The following KATNAL2 variants were observed in gnomAD, a reference collection of about 807,000 sequenced individuals.
The protein encoded by KATNAL2 is katanin catalytic subunit A1 like 2.
In KATNAL2, 52 loss-of-function variants were observed where a neutral mutation model predicts 76.3. The ratio of observed to expected loss-of-function variants is 0.68; its 90% CI spans 0.55 to 0.86. The LOEUF (loss-of-function observed/expected upper bound fraction) is 0.86. KATNAL2 is among the 40% of genes least tolerant of loss of function. KATNAL2 has a pLI of 0.00. For missense variants in KATNAL2, 660 were observed against 668.9 expected, an observed-to-expected ratio of 0.99 and a Z score of 0.15; for synonymous variants, 243 against 244.2, an observed-to-expected ratio of 1.00 and a Z score of 0.05.
chr18:47,038,920 G>T (rs958930011), intron 3 of KATNAL2, among the ~76,000 whole-genome samples: 1 of 152,156 alleles, frequency 6.6e-6, no homozygotes, highest in Admixed American at 6.5e-5. Context: ...CTTCTGTTCA[G>T]TAAGTCTACT....
chr18:47,031,864 C>T (rs2060475315), intron 3 of KATNAL2, among the ~76,000 whole-genome samples: 1 of 152,134 alleles, frequency 6.6e-6, no homozygotes, highest in Admixed American at 6.5e-5. Context: ...TGCAGTATCC[C>T]TTTGTCTCCA....
chr18:46,955,449 C>T (rs1035554721), intron 3 of KATNAL2, among the ~76,000 whole-genome samples: 1 of 151,658 alleles, frequency 6.6e-6, no homozygotes, highest in African/African-American at 2.4e-5. Context: ...GTCTTGAACT[C>T]CTGACCTCAG....
intron 15 of KATNAL2, among the ~76,000 whole-genome samples, chr18:47,078,932 A>G (rs1341837544): frequency 6.6e-6 from 1 of 152,202 alleles, no homozygotes; most frequent in Non-Finnish European, 1.5e-5. Flanking sequence ...TATGTTCCTT[A>G]TATCATTGAT....
At position 47,034,443 on chromosome 18, in the gene KATNAL2, C is replaced by T. The variant is rs148989408; in HGVS notation, c.52-12014C>T. 1.1e-3 allele frequency: 1,825 copies of T among 1,614,166 alleles called. 1 individual carries two copies. Among genetic ancestry groups the T allele is most frequent in the Non-Finnish European group, 1.5e-3 (1,735 of 1,180,042 alleles). ...TGTCTGTCTTGAAGTCCGAAGGCTG[C>T]CTGTCCCTGGCACTTGCCCAGGAGG... is the stretch of plus-strand genomic sequence containing the variant. On this transcript the variant is annotated intron_variant, in intron 3 of 17. Coordinates refer to ENST00000683218, the MANE Select transcript of KATNAL2 (RefSeq NM_001387690.1).
chr18:47,063,914 G>A (rs1456783492), intron 10 of KATNAL2, among the ~76,000 whole-genome samples: 1 of 152,202 alleles, frequency 6.6e-6, no homozygotes, highest in Non-Finnish European at 1.5e-5. Context: ...CTTGCTAGCT[G>A]TGTGACTTTG....
intron 6 of KATNAL2, 142 bp from the exon 7 acceptor site, chr18:47,058,093 A>G: frequency 3.1e-6 from 2 of 634,988 alleles, no homozygotes; most frequent in Non-Finnish European, 5.6e-6. Flanking sequence ...GGTGGATCAC[A>G]TAGGTGGAAG....
intron 17 of KATNAL2, 58 bp from the exon 18 acceptor site, chr18:47,100,808 G>C: frequency 6.3e-7 from 1 of 1,598,552 alleles, no homozygotes; most frequent in South Asian, 1.1e-5. Flanking sequence ...AGCGTTTCAA[G>C]AGCATTGATC....
At chr18:46,947,471 T>C (rs1174757136) in intron 3 of KATNAL2, among the ~76,000 whole-genome samples, 3 of 152,072 alleles carry the variant, frequency 2.0e-5, no homozygotes, top group African/African-American at 7.2e-5. Flanking sequence ...TTAAGTGGTT[T>C]ACCGTGGTCT....
chr18:47,047,267 T>C (rs1229245242), intron 4 of KATNAL2, among the ~76,000 whole-genome samples: 3 of 152,304 alleles, frequency 2.0e-5, no homozygotes, highest in South Asian at 2.1e-4. Context: ...ATTTTTCACA[T>C]TAGATGTTGA....
At chr18:47,085,873 C>G (rs1413504011) in intron 15 of KATNAL2, among the ~76,000 whole-genome samples, 1 of 152,070 alleles carries the variant, frequency 6.6e-6, no homozygotes, top group Non-Finnish European at 1.5e-5. Context: ...AAGACTGAGG[C>G]AGGAGGACTG....
At chr18:46,925,978 C>T (rs368798659) in intron 1 of KATNAL2, among the ~76,000 whole-genome samples, 1 of 151,864 alleles carries the variant, frequency 6.6e-6, no homozygotes, top group Non-Finnish European at 1.5e-5. Flanking sequence ...TCTCTCTTTT[C>T]TTCTTTATTA....
chr18:47,059,340 C>A (rs1420902170), intron 7 of KATNAL2, among the ~76,000 whole-genome samples: 3 of 152,270 alleles, frequency 2.0e-5, no homozygotes, highest in Admixed American at 6.5e-5. Context: ...GGCCTGGCAT[C>A]TTCTCAGTCT....
At chr18:47,071,391 C>T (rs556404651) in intron 13 of KATNAL2, among the ~76,000 whole-genome samples, 7 of 152,196 alleles carry the variant, frequency 4.6e-5, no homozygotes, top group South Asian at 2.1e-4. Flanking sequence ...GATTTTGGTA[C>T]GGGGAAGAGT....
intron 1 of KATNAL2, among the ~76,000 whole-genome samples, chr18:46,934,889 C>G (rs1043837894): frequency 6.6e-6 from 1 of 152,084 alleles, no homozygotes; most frequent in Non-Finnish European, 1.5e-5. Context: ...TTCCCAGCAC[C>G]ATTTATTAAA....
At chr18:47,085,338 C>T (rs560100152) in intron 15 of KATNAL2, among the ~76,000 whole-genome samples, 19 of 152,292 alleles carry the variant, frequency 1.2e-4, no homozygotes, top group South Asian at 1.0e-3. Context: ...TGCCTTTAAT[C>T]ATTCCTGGGC....
At chr18:47,046,343 C>T in intron 3 of KATNAL2, 114 bp from the exon 4 acceptor site, 1 of 701,098 alleles carries the variant, frequency 1.4e-6, no homozygotes, top group East Asian at 2.7e-5. Context: ...TGCTTTCCAG[C>T]CTTTAAGTCA....
intron 1 of KATNAL2, among the ~76,000 whole-genome samples, chr18:46,919,279 G>C (rs1359826130): frequency 6.6e-6 from 1 of 151,962 alleles, no homozygotes; most frequent in Non-Finnish European, 1.5e-5. Flanking sequence ...CTGAGGTTGG[G>C]AGTTGGAGGC....
At chr18:47,071,055 A>C (rs1355282716) in intron 13 of KATNAL2, among the ~76,000 whole-genome samples, 1 of 152,198 alleles carries the variant, frequency 6.6e-6, no homozygotes, top group African/African-American at 2.4e-5. Context: ...TTTTTTCAAC[A>C]AAATACAGTA....
chr18:46,937,584 A>G (rs565036069), intron 1 of KATNAL2, among the ~76,000 whole-genome samples: 1 of 152,198 alleles, frequency 6.6e-6, no homozygotes, highest in Admixed American at 6.5e-5. Context: ...ATGCTTCTAA[A>G]TTCCCTCCAG....
Sources: allele counts gnomAD v4.1 joint callset (sites outside exome capture counted in the v4.1 genomes callset), GRCh38; gene constraint gnomAD v4.1.1; transcripts MANE v1.5; gene names NCBI Gene and HGNC (gene_info 2026-07-23, HGNC 2026-07-21).